The following GPR37 variants were observed in gnomAD, a reference collection of about 807,000 sequenced individuals.
GPR37 encodes prosaposin receptor GPR37.
GPR37 carries 20 observed loss-of-function variants against 43.6 expected under a neutral mutation model. That is an observed-to-expected ratio of 0.46 (90% confidence interval 0.32 to 0.67). The LOEUF is 0.67. Ranked by LOEUF, GPR37 falls within the 30% of genes least tolerant of loss-of-function variation. The pLI, the probability that GPR37 is intolerant of heterozygous loss-of-function variation, is 0.03. For missense variants in GPR37, 724 were observed against 797.2 expected (o/e 0.91, Z 1.11); for synonymous variants, 315 against 322.6 (o/e 0.98, Z 0.25).
chr7:124,761,154 CAAAA>C (rs60967099), intron 1 of GPR37, among the ~76,000 whole-genome samples: 5 of 77,452 alleles, frequency 6.5e-5, no homozygotes, highest in African/African-American at 1.6e-4. Flanking sequence ...GACTCCGTCT[CAAAA>C]AAAAAAAAAA....
chr7:124,762,482 T>TAAAAAAAA (rs11428732), intron 1 of GPR37, among the ~76,000 whole-genome samples: 3 of 142,140 alleles, frequency 2.1e-5, no homozygotes, highest in Non-Finnish European at 3.1e-5. Flanking sequence ...TTTCTTCTGA[T>TAAAAAAAA]AAAAAAAAAA....
At position 124,746,234 on chromosome 7, in the gene GPR37, C is replaced by A; in HGVS notation, c.*291G>T. 2 of 238,974 alleles carry A rather than the reference C, an allele frequency of 8.4e-6. No individual in the cohort carries two copies. Among genetic ancestry groups the A allele is most frequent in the Non-Finnish European group, 1.6e-5 (2 of 125,978 alleles). 14.8% of individuals were successfully genotyped at this position (238,974 alleles called of 1,614,324 possible). On this transcript the variant is annotated 3_prime_UTR_variant, in exon 2 of 2. Coordinates refer to ENST00000303921, the MANE Select transcript of GPR37 (RefSeq NM_005302.5). Reference sequence around the variant, plus strand: ...ATTGTATTTTTAAAAGAAGAAAAAACGTTAGCAATTTTAAGTTAAGTTGCA... The same window carrying A: ...ATTGTATTTTTAAAAGAAGAAAAAAAGTTAGCAATTTTAAGTTAAGTTGCA...
chr7:124,758,806 C>A lies in GPR37; in HGVS notation c.1023+5148G>T, dbSNP rs1793820910. Among the ~76,000 whole-genome samples, 2 of 152,088 alleles carry A rather than the reference C, an allele frequency of 1.3e-5. 1 individual carries two copies. The highest frequency in any genetic ancestry group is 4.1e-4 in the South Asian group (2 of 4,824). ...CTCCACCTCTGTGCAGGAGTTTTAT[C>A]CCAGTAAAATAAAAATACAGTTAGA... On this transcript the variant is annotated intron_variant, in intron 1 of 1. Coordinates refer to ENST00000303921, the MANE Select transcript of GPR37 (RefSeq NM_005302.5).
At chr7:124,762,939 C>G (rs1356198860) in intron 1 of GPR37, among the ~76,000 whole-genome samples, 1 of 152,156 alleles carries the variant, frequency 6.6e-6, no homozygotes, top group Non-Finnish European at 1.5e-5. Context: ...TGGAGAAAAT[C>G]AAGGGCCAGC....
Position 124,764,650 on chromosome 7 carries a change from G to A in GPR37, c.327C>T (p.Pro109=), listed in dbSNP as rs376765252. 1.9e-6 allele frequency: 3 copies of A among 1,584,040 alleles called. No homozygotes were observed. Among genetic ancestry groups the A allele is most frequent in the South Asian group, 2.3e-5 (2 of 88,460 alleles). Residue 109 remains proline (P), a synonymous_variant, in exon 1 of 2, where the codon CCC becomes CCT. Coordinates refer to ENST00000303921, the MANE Select transcript of GPR37 (RefSeq NM_005302.5). This position sits in a 1 kb window ranked among gnomAD's most constrained non-coding sequence, Gnocchi z 5.4. ...CAGGTGGCCTGGTTGGAGGTCCCGG[G>A]GGTCCGGCTGCCGACGCCTCCGCCC... ...GRGAEASAAG[P]PGPPTRPPGP...
rs58723361 is a variant in GPR37, at chr7:124,764,925, G to A, written c.52C>T (p.Leu18=). Residue 18 remains leucine, a synonymous_variant, in exon 1 of 2, where the codon CTA becomes TTA. Coordinates refer to ENST00000303921, the MANE Select transcript of GPR37 (RefSeq NM_005302.5). This position sits in a 1 kb window ranked among gnomAD's most constrained non-coding sequence, Gnocchi z 5.4. The stretch of plus-strand genomic sequence containing the variant: ...GAAGAGGCAGACACCTTGAGCAGTA[G>A]CAGAAGCAGTAGCCGCGACATGCGG... The part of the protein sequence containing the change: ...LARMSRLLLL[L]LLKVSASSAL... 3.8e-6 allele frequency: 6 copies of A among 1,559,378 alleles called. No individual in the cohort carries two copies. The South Asian group carries it at 7.1e-5, about 19-fold the overall frequency.
intron 1 of GPR37, among the ~76,000 whole-genome samples, chr7:124,750,504 T>G (rs1793719069): frequency 6.6e-6 from 1 of 152,182 alleles, no homozygotes; most frequent in African/African-American, 2.4e-5. Context: ...AACATCTATT[T>G]GCTTGGTGGT....
Position 124,765,427 on chromosome 7 carries a change from G to C in GPR37, c.-451C>G, listed in dbSNP as rs1793909019. 6.3e-6 allele frequency: 1 copy of C among 158,416 alleles called. No homozygotes were observed. The allele number at this position is 158,416 out of a possible 1,614,324, so 9.8% of individuals were successfully genotyped here. A position where few individuals can be genotyped will look rare whatever the true frequency, so the allele number is the denominator to read the frequency against. ...CCTTTCGACAGCGTTTGATCCAGTT[G>C]CAAGCCGAGGTCTCTAGAGGAAAAG... On this transcript the variant is annotated 5_prime_UTR_variant, in exon 1 of 2. Transcript: ENST00000303921.
intron 1 of GPR37, among the ~76,000 whole-genome samples, chr7:124,762,822 A>C (rs1270098517): frequency 6.6e-6 from 1 of 152,200 alleles, no homozygotes; most frequent in African/African-American, 2.4e-5. Flanking sequence ...GGCCTGGAAC[A>C]ATGTTGAACA....
Position 124,764,836 on chromosome 7 carries a change from T to G in GPR37, c.141A>C (p.Thr47=), listed in dbSNP as rs1427037098. The G allele has an allele frequency of 6.2e-7, 1 of 1,613,592 alleles. No individual in the cohort carries two copies. The highest frequency in any genetic ancestry group is 1.3e-5 in the African/African-American group (1 of 74,946). The change falls in exon 1 of 2, where the codon ACA becomes ACC. Residue 47 remains threonine (T), a synonymous_variant. Transcript: ENST00000303921. This position sits in a 1 kb window ranked among gnomAD's most constrained non-coding sequence, Gnocchi z 5.4. The stretch of plus-strand genomic sequence containing the variant: ...CGTCCCTGCCGCGGCGCTGGATCAC[T>G]GTAGGTGCACAGCTCTCCCCCAGAC... ...ETCLGESCAP[T]VIQRRGRDAW...
chr7:124,764,001 T>G lies in GPR37; in HGVS notation c.976A>C (p.Lys326Gln). 6.2e-7 allele frequency: 1 copy of G among 1,614,138 alleles called. No individual in the cohort carries two copies. The highest frequency in any genetic ancestry group is 8.5e-7 in the Non-Finnish European group (1 of 1,180,028). The change falls in exon 1 of 2, where the codon AAG becomes CAG. Residue 326 changes from lysine to glutamine, a missense_variant. Physicochemically the swap from Lys to Gln is moderately conservative, Grantham distance 53. Coordinates refer to ENST00000303921, the MANE Select transcript of GPR37 (RefSeq NM_005302.5). The surrounding 1 kb of genome is among the most constrained non-coding windows in gnomAD (Gnocchi z 5.4). ...PLVIFHELTK[K>Q]WLLEDFSCKI... ...CAGGAGAAGTCCTCCAGCAGCCACT[T>G]CTTGGTCAGCTCGTGGAAGATGACC...
rs1452146881 is a variant in GPR37, at chr7:124,764,212, G to A, written c.765C>T (p.Thr255=). 1.3e-6 allele frequency: 2 copies of A among 1,593,410 alleles called. No homozygotes were observed. The highest frequency in any genetic ancestry group is 1.7e-5 in the Admixed American group (1 of 58,208). Residue 255 remains threonine (T), a synonymous_variant, in exon 1 of 2, where the codon ACC becomes ACT. Transcript: ENST00000303921. The surrounding 1 kb of genome is among the most constrained non-coding windows in gnomAD (Gnocchi z 5.4). ...CCGCGTAGGCTCCATAGGACTCCTG[G>A]GTCAGCGGGTAGAAGGGGTTCTTCA... ...VRLKNPFYPL[T]QESYGAYAVM...
chr7:124,747,168 A>G lies in GPR37; in HGVS notation c.1199T>C (p.Leu400Pro), dbSNP rs141258559. The G allele has an allele frequency of 1.9e-6, 3 of 1,613,906 alleles. No individual in the cohort carries two copies. The highest frequency in any genetic ancestry group is 3.3e-5 in the Admixed American group (2 of 59,990). The part of the protein sequence containing the change: ...ALLLALPEVV[L>P]RQLSKEDLGF... ...CAAATCCTCCTTGCTCAGCTGGCGG[A>G]GAACAACTTCTGGAAGTGCTAACAA... is the stretch of plus-strand genomic sequence containing the variant. The change falls in exon 2 of 2, where the codon CTC becomes CCC. Residue 400 changes from leucine (L) to proline (P), a missense_variant. By Grantham distance (98) the Leu-to-Pro change is moderately conservative. Around this residue, in one of 2 missense-constraint regions of GPR37, gnomAD observed 342 missense variants for 441.8 expected, o/e 0.77. Coordinates refer to ENST00000303921, the MANE Select transcript of GPR37 (RefSeq NM_005302.5).
At chr7:124,753,666 G>C (rs1366489370) in intron 1 of GPR37, among the ~76,000 whole-genome samples, 3 of 152,102 alleles carry the variant, frequency 2.0e-5, no homozygotes, top group Admixed American at 6.6e-5. Context: ...AAAACAGGTA[G>C]TTTGGTTAGG....
In GPR37 at chr7:124,764,319, C is replaced by T. The variant is rs373877392; in HGVS notation, c.658G>A (p.Ala220Thr). Residue 220 changes from alanine to threonine, a missense_variant, in exon 1 of 2, where the codon GCC becomes ACC. Around this residue, in one of 2 missense-constraint regions of GPR37, gnomAD observed 382 missense variants for 355.4 expected, o/e 1.07. Transcript: ENST00000303921. The surrounding 1 kb of genome is among the most constrained non-coding windows in gnomAD (Gnocchi z 5.4). ...WTIALPGRAL[A>T]QNGSLGEGIH... ...CCTTCACCCAAGGATCCATTCTGGGCCAGCGCCCGGCCCGGGAGTGCAATT... is the reference window on the plus strand; with the variant it reads ...CCTTCACCCAAGGATCCATTCTGGGTCAGCGCCCGGCCCGGGAGTGCAATT... The T allele has an allele frequency of 6.2e-7, 1 of 1,610,204 alleles. No homozygotes were observed. Among genetic ancestry groups the T allele is most frequent in the African/African-American group, 1.3e-5 (1 of 74,832 alleles).
At position 124,765,090 on chromosome 7, in the gene GPR37, G is replaced by T; in HGVS notation, c.-114C>A. The T allele has an allele frequency of 1.0e-6, 1 of 992,948 alleles. No individual in the cohort carries two copies. The highest frequency in any genetic ancestry group is 1.4e-6 in the Non-Finnish European group (1 of 718,154). The allele number at this position is 992,948 out of a possible 1,614,324, so 61.5% of individuals were successfully genotyped here. ...ATGTCACATACTCACCCCCGCCCGG[G>T]TAGCGGGGAACCGGAGATTAGGGTG... On this transcript the variant is annotated 5_prime_UTR_variant, in exon 1 of 2. Coordinates refer to ENST00000303921, the MANE Select transcript of GPR37 (RefSeq NM_005302.5).
Position 124,746,281 on chromosome 7 carries a change from A to G in GPR37, c.*244T>C. 1 of 338,296 alleles carries G rather than the reference A, an allele frequency of 3.0e-6. No individual in the cohort carries two copies. Among genetic ancestry groups the G allele is most frequent in the Non-Finnish European group, 5.3e-6 (1 of 188,830 alleles). The allele number at this position is 338,296 out of a possible 1,614,324, so 21.0% of individuals were successfully genotyped here. The stretch of plus-strand genomic sequence containing the variant: ...TGCAGTAACTTTTTTCAAATAAAAT[A>G]TTAGCACCATACCAGATAAAATAAT... On this transcript the variant is annotated 3_prime_UTR_variant, in exon 2 of 2. Transcript: ENST00000303921.
At chr7:124,758,469 C>T (rs535474371) in intron 1 of GPR37, among the ~76,000 whole-genome samples, 20 of 152,198 alleles carry the variant, frequency 1.3e-4, no homozygotes, top group Non-Finnish European at 2.1e-4. Context: ...ATGACTAATC[C>T]ACCTCTCAAA....
chr7:124,756,467 T>G (rs1793791237), intron 1 of GPR37, among the ~76,000 whole-genome samples: 1 of 152,158 alleles, frequency 6.6e-6, no homozygotes, highest in Non-Finnish European at 1.5e-5. Context: ...TTATGGAAGT[T>G]TATGAAAAGT....
Sources: allele counts gnomAD v4.1 joint callset (sites outside exome capture counted in the v4.1 genomes callset), GRCh38; gene constraint gnomAD v4.1.1; regional missense constraint gnomAD v4.1.1; non-coding constraint Gnocchi (gnomAD v3.1); transcripts MANE v1.5; gene names NCBI Gene and HGNC (gene_info 2026-07-23, HGNC 2026-07-21).